Variants in NRG3 observed in about 807,000 individuals in gnomAD.
The protein encoded by NRG3 is pro-neuregulin-3, membrane-bound isoform.
A neutral mutation model predicts 66.9 loss-of-function variants in NRG3; 31 were observed. That is an observed-to-expected ratio of 0.46 (90% CI 0.35 to 0.63). The LOEUF (loss-of-function observed/expected upper bound fraction) is 0.63, where lower values mean the gene tolerates loss of function less well. Among genes scored for constraint, NRG3 ranks in the 20% least tolerant of loss-of-function variants. The pLI is 0.00. For synonymous variants in NRG3, 393 were observed against 359.4 expected, an observed-to-expected ratio of 1.09 and a Z score of -1.06; for missense variants, 910 against 878.9, an observed-to-expected ratio of 1.04 and a Z score of -0.45.
chr10:82,433,047 C>A (rs960961889), intron 2 of NRG3, among the ~76,000 whole-genome samples: 2 of 152,116 alleles, frequency 1.3e-5, no homozygotes, highest in African/African-American at 4.8e-5. Flanking sequence ...ATACTGTATT[C>A]CACGATGGTT....
At chr10:82,245,847 AT>A (rs1403674756) in intron 1 of NRG3, among the ~76,000 whole-genome samples, 1 of 152,092 alleles carries the variant, frequency 6.6e-6, no homozygotes, top group African/African-American at 2.4e-5. Flanking sequence ...TTGATCAAAG[AT>A]TTATTTCGGC....
chr10:82,450,298 G>A (rs2090959534), intron 2 of NRG3, among the ~76,000 whole-genome samples: 1 of 152,090 alleles, frequency 6.6e-6, no homozygotes, highest in Non-Finnish European at 1.5e-5. Flanking sequence ...TATAGGCCTG[G>A]TGAGCACAGA....
chr10:82,347,174 G>C (rs1273377590), intron 1 of NRG3, among the ~76,000 whole-genome samples: 4 of 146,970 alleles, frequency 2.7e-5, no homozygotes, highest in Non-Finnish European at 4.5e-5. Context: ...GTCAATTTTG[G>C]ATCTTTCCTG....
At chr10:82,960,393 G>A (rs1432919004) in intron 6 of NRG3, among the ~76,000 whole-genome samples, 1 of 151,512 alleles carries the variant, frequency 6.6e-6, no homozygotes, top group Non-Finnish European at 1.5e-5. Context: ...AAGTGATGAG[G>A]ATAGATTCTA....
In NRG3 at chr10:82,686,339, C is replaced by T. The variant is rs1029517648; in HGVS notation, c.954-52238C>T. ...AGTAGCTGGAATTATAGGCGCCCAC[C>T]GCTACGCCTGGCTAATTTTTGTATT... is the stretch of plus-strand genomic sequence containing the variant. On this transcript the variant is annotated intron_variant, in intron 2 of 8. Transcript: ENST00000372141. Among the ~76,000 whole-genome samples the T allele has an allele frequency of 1.2e-4, 19 of 152,076 alleles. No individual in the cohort carries two copies. In the East Asian group the frequency reaches 2.3e-3, roughly 19 times the overall value.
chr10:82,633,403 T>C (rs957401653), intron 2 of NRG3, among the ~76,000 whole-genome samples: 1 of 152,166 alleles, frequency 6.6e-6, no homozygotes, highest in South Asian at 2.1e-4. Flanking sequence ...AAATGTCAAG[T>C]TGTACGACAC....
chr10:82,143,134 T>C (rs867967945), intron 1 of NRG3, among the ~76,000 whole-genome samples: 1 of 152,088 alleles, frequency 6.6e-6, no homozygotes, highest in African/African-American at 2.4e-5. Flanking sequence ...ATGAATGATA[T>C]GAACTTAGTG....
At chr10:82,166,880 C>A (rs1258459406) in intron 1 of NRG3, 3 of 600,206 alleles carry the variant, frequency 5.0e-6, no homozygotes, top group African/African-American at 1.9e-5. Flanking sequence ...ATTTTTTTCT[C>A]AGTAGTTTTT....
At chr10:82,109,567 GTGTGTGTGTGTA>G (rs1403953658) in intron 1 of NRG3, among the ~76,000 whole-genome samples, 10 of 135,672 alleles carry the variant, frequency 7.4e-5, no homozygotes, top group South Asian at 4.7e-4. Flanking sequence ...GTGTGTGTGT[GTGTGTGTGTGTA>G]TATATATATT....
intron 2 of NRG3, among the ~76,000 whole-genome samples, chr10:82,658,934 T>G (rs2052092576): frequency 6.6e-6 from 1 of 152,188 alleles, no homozygotes; most frequent in African/African-American, 2.4e-5. Flanking sequence ...TAAATAGGCT[T>G]TACAGTTTTT....
intron 3 of NRG3, among the ~76,000 whole-genome samples, chr10:82,740,823 CAAAAAAA>C (rs56944502): frequency 1.7e-5 from 2 of 118,330 alleles, no homozygotes; most frequent in South Asian, 2.9e-4. Context: ...GACTCTGTCT[CAAAAAAA>C]AAAAAAAAAA....
At chr10:82,424,906 C>T (rs1438971472) in intron 2 of NRG3, among the ~76,000 whole-genome samples, 1 of 151,996 alleles carries the variant, frequency 6.6e-6, no homozygotes, top group Non-Finnish European at 1.5e-5. Context: ...CTTTCCTCCA[C>T]TGAATTGTCT....
At chr10:82,412,600 G>C (rs1184135036) in intron 2 of NRG3, among the ~76,000 whole-genome samples, 1 of 152,116 alleles carries the variant, frequency 6.6e-6, no homozygotes, top group Non-Finnish European at 1.5e-5. Context: ...CTTAAAATAA[G>C]ACAACAATGA....
chr10:82,890,745 A>G (rs1843080379), intron 4 of NRG3, among the ~76,000 whole-genome samples: 1 of 152,106 alleles, frequency 6.6e-6, no homozygotes, highest in Admixed American at 6.6e-5. Flanking sequence ...ACATTGTTAA[A>G]CCGATTTACA....
intron 3 of NRG3, among the ~76,000 whole-genome samples, chr10:82,856,693 G>A (rs1045189600): frequency 7.5e-6 from 1 of 133,318 alleles, no homozygotes; most frequent in Non-Finnish European, 1.5e-5. Flanking sequence ...GCAGTGAGCC[G>A]AGATTGTGCC....
chr10:82,274,661 G>T (rs1426669467), intron 1 of NRG3, among the ~76,000 whole-genome samples: 1 of 151,858 alleles, frequency 6.6e-6, no homozygotes, highest in African/African-American at 2.4e-5. Context: ...TAAAGCCCTT[G>T]GTGCTGTTAG....
chr10:82,881,767 A>C (rs2136063858), intron 4 of NRG3, among the ~76,000 whole-genome samples: 1 of 152,298 alleles, frequency 6.6e-6, no homozygotes, highest in African/African-American at 2.4e-5. Context: ...ATGGTTCATT[A>C]ATATAAAGAT....
chr10:82,745,072 C>T (rs537582281), intron 3 of NRG3, among the ~76,000 whole-genome samples: 6 of 151,922 alleles, frequency 3.9e-5, no homozygotes, highest in East Asian at 1.9e-4. Flanking sequence ...TGAGGACACA[C>T]GAAAGACATG....
chr10:82,362,108 A>AAAAAAAAAAAAAAAAAC (rs2084183634), intron 2 of NRG3, among the ~76,000 whole-genome samples: 1 of 123,424 alleles, frequency 8.1e-6, no homozygotes, highest in Non-Finnish European at 1.7e-5. Flanking sequence ...AAAAAAAAAA[A>AAAAAAAAAAAAAAAAAC]AGGACAATAA....
Sources: allele counts gnomAD v4.1 joint callset (sites outside exome capture counted in the v4.1 genomes callset), GRCh38; gene constraint gnomAD v4.1.1; transcripts MANE v1.5; gene names NCBI Gene and HGNC (gene_info 2026-07-23, HGNC 2026-07-21).